Variants in CERS4 observed in about 807,000 individuals in gnomAD.
CERS4 encodes the protein ceramide synthase 4, also known as LAG1 homolog, ceramide synthase 4.
A neutral mutation model predicts 51.8 loss-of-function variants in CERS4; 65 were observed. That is an observed-to-expected ratio of 1.26 (90% confidence interval 1.03 to 1.54). CERS4 has a LOEUF of 1.54. CERS4 is among the 40% of genes most tolerant of loss of function. CERS4 has a pLI of 0.00. For missense variants in CERS4, 563 were observed against 500.4 expected (o/e 1.13, Z -1.19); for synonymous variants, 228 against 208.4 (o/e 1.09, Z -0.81).
chr19:8,231,851 A>ATT (rs3042169), intron 2 of CERS4, among the ~76,000 whole-genome samples: 25,316 of 103,872 alleles, frequency 0.24, 3,802 homozygotes, highest in East Asian at 0.38. Flanking sequence ...TGTGCCCAGC[A>ATT]TTTTTTTTTT....
intron 9 of CERS4, 78 bp from the exon 10 acceptor site, chr19:8,257,801 T>A (rs62124262): frequency 0.049 from 54,099 of 1,105,818 alleles, 1,614 homozygotes; most frequent in Admixed American, 0.08. Flanking sequence ...CCAACTCACC[T>A]GGTCCCATCC....
intron 6 of CERS4, 101 bp from the exon 7 acceptor site, chr19:8,256,135 A>G (rs1188104761): frequency 5.6e-6 from 7 of 1,258,876 alleles, no homozygotes; most frequent in African/African-American, 3.0e-5. Context: ...GGGTGAAGGT[A>G]GCATCTATGT....
In CERS4 at chr19:8,210,504, G is replaced by A. The variant is rs1967041496; in HGVS notation, c.-158-202G>A. On this transcript the variant is annotated intron_variant, in intron 1 of 11. Transcript: ENST00000251363. This position sits in a 1 kb window ranked among gnomAD's most constrained non-coding sequence, Gnocchi z 4.2. The stretch of plus-strand genomic sequence containing the variant: ...GTGGGCAGGGGGAGAGGCTGTTGTG[G>A]TTTGCAAAACCTACCAGATGGGGGA... Among the ~76,000 whole-genome samples, 1 of 152,048 alleles carries A rather than the reference G, an allele frequency of 6.6e-6. No homozygotes were observed.
chr19:8,262,056 C>A lies in CERS4; in HGVS notation c.1132C>A (p.Pro378Thr), dbSNP rs1599607148. 2 of 1,538,504 alleles carry A rather than the reference C, an allele frequency of 1.3e-6. No homozygotes were observed. Among genetic ancestry groups the A allele is most frequent in the Non-Finnish European group, 1.7e-6 (2 of 1,146,318 alleles). ...GGPRPAPTDG[P>T]RSRVAGRLTN... is the part of the protein sequence containing the mutation. ...GCCCAGGCCAGCCCCCACTGATGGC[C>A]CTCGGAGCCGGGTGGCCGGGCGTCT... The change falls in exon 12 of 12, where the codon CCT becomes ACT. Residue 378 changes from proline to threonine, a missense_variant. By Grantham distance (38) the Pro-to-Thr change is conservative (BLOSUM62 -1). Coordinates refer to ENST00000251363, the MANE Select transcript of CERS4 (RefSeq NM_024552.3).
chr19:8,246,428 G>A (rs967492548), intron 2 of CERS4, among the ~76,000 whole-genome samples: 1 of 151,948 alleles, frequency 6.6e-6, no homozygotes, highest in Admixed American at 6.6e-5. Context: ...TCATGGTGGT[G>A]TGTGCCTATG....
At chr19:8,260,409 T>C (rs1334083845) in intron 10 of CERS4, among the ~76,000 whole-genome samples, 1 of 148,346 alleles carries the variant, frequency 6.7e-6, no homozygotes, top group Non-Finnish European at 1.5e-5. Flanking sequence ...GGTTTCACCA[T>C]GTTGGCCAGG....
In CERS4 at chr19:8,226,405, C is replaced by G. The variant is rs371115862; in HGVS notation, c.-2+15543C>G. ...CCCACAGAACAGTCTGGCTTTGCAC[C>G]TGCTTGGCCCTATATGAATCTACCT... On this transcript the variant is annotated intron_variant, in intron 2 of 11. Coordinates refer to ENST00000251363, the MANE Select transcript of CERS4 (RefSeq NM_024552.3). Among the ~76,000 whole-genome samples, 6 of 152,224 alleles carry G rather than the reference C, an allele frequency of 3.9e-5. No homozygotes were observed. The East Asian group carries it at 9.7e-4, about 24-fold the overall frequency.
intron 2 of CERS4, among the ~76,000 whole-genome samples, chr19:8,228,968 G>A (rs953218645): frequency 5.9e-5 from 9 of 151,466 alleles, no homozygotes; most frequent in Admixed American, 4.6e-4. Context: ...AGGTTGCAAT[G>A]AGCAGAGATT....
intron 10 of CERS4, among the ~76,000 whole-genome samples, chr19:8,258,374 G>A (rs1451323259): frequency 6.6e-6 from 1 of 152,182 alleles, no homozygotes; most frequent in Non-Finnish European, 1.5e-5. Flanking sequence ...GCAGCCACGT[G>A]AACTGCACAG....
chr19:8,231,618 G>A (rs1003225530), intron 2 of CERS4, among the ~76,000 whole-genome samples: 15 of 150,612 alleles, frequency 1.0e-4, no homozygotes, highest in Admixed American at 3.3e-4. Context: ...GTGTGATCTC[G>A]GTTCACTGCA....
At chr19:8,229,496 C>T (rs1967926135) in intron 2 of CERS4, among the ~76,000 whole-genome samples, 1 of 152,140 alleles carries the variant, frequency 6.6e-6, no homozygotes, top group Non-Finnish European at 1.5e-5. Flanking sequence ...CAACCTCCGT[C>T]TCCTGGGTTC....
chr19:8,252,502 A>C (rs1468842192), intron 3 of CERS4, among the ~76,000 whole-genome samples: 2 of 151,812 alleles, frequency 1.3e-5, no homozygotes, highest in Non-Finnish European at 2.9e-5. Context: ...ACAGTGGCAC[A>C]ATCTCAGTTC....
At chr19:8,256,574 G>C in intron 7 of CERS4, 44 bp from the exon 8 acceptor site, 1 of 1,565,822 alleles carries the variant, frequency 6.4e-7, no homozygotes, top group Non-Finnish European at 8.7e-7. Context: ...TGCCCGATTG[G>C]AGCCTTCGCT....
intron 2 of CERS4, among the ~76,000 whole-genome samples, chr19:8,247,816 C>T (rs1223965972): frequency 1.3e-5 from 2 of 150,528 alleles, no homozygotes; most frequent in Non-Finnish European, 2.9e-5. Flanking sequence ...TCACTGCAAC[C>T]TCTGCCTCCC....
chr19:8,256,748 G>C, intron 8 of CERS4, 38 bp downstream of exon 8: 1 of 1,599,694 alleles, frequency 6.3e-7, no homozygotes. Context: ...CCAGTCTCTG[G>C]CCGGGATGCT....
chr19:8,254,207 C>G (rs940959053), intron 3 of CERS4, among the ~76,000 whole-genome samples: 2 of 148,518 alleles, frequency 1.3e-5, no homozygotes. Flanking sequence ...CCTGCAGTCC[C>G]AGCTACTCGG....
intron 10 of CERS4, among the ~76,000 whole-genome samples, chr19:8,260,779 C>T (rs185450570): frequency 5.3e-5 from 8 of 151,182 alleles, no homozygotes; most frequent in African/African-American, 7.2e-5. Context: ...GCAAAAACCA[C>T]CTCTCTACTA....
At position 8,258,658 on chromosome 19, in the gene CERS4, C is replaced by T. The variant is rs139538135; in HGVS notation, c.848+673C>T. 2.0e-5 allele frequency among the ~76,000 whole-genome samples: 3 copies of T among 152,200 alleles called. No individual in the cohort carries two copies. In the South Asian group the frequency reaches 6.2e-4, roughly 32 times the overall value. On this transcript the variant is annotated intron_variant, in intron 10 of 11. Coordinates refer to ENST00000251363, the MANE Select transcript of CERS4 (RefSeq NM_024552.3). Reference sequence around the variant, plus strand: ...AGGAGTTTGACACCAGCCTGGCCAACATGGTGAAACCTTGTCTCTATTAAA... The same window carrying T: ...AGGAGTTTGACACCAGCCTGGCCAATATGGTGAAACCTTGTCTCTATTAAA...
intron 10 of CERS4, among the ~76,000 whole-genome samples, chr19:8,260,695 A>G (rs899840477): frequency 6.6e-5 from 10 of 150,774 alleles, no homozygotes; most frequent in African/African-American, 2.4e-4. Context: ...CACGCCTGTA[A>G]TCCCAGCACT....
Sources: allele counts gnomAD v4.1 joint callset (sites outside exome capture counted in the v4.1 genomes callset), GRCh38; gene constraint gnomAD v4.1.1; non-coding constraint Gnocchi (gnomAD v3.1); transcripts MANE v1.5; gene names NCBI Gene and HGNC (gene_info 2026-07-23, HGNC 2026-07-21).